The following SPIRE1 variants were observed in gnomAD, a reference collection of about 807,000 sequenced individuals.
The protein encoded by SPIRE1 is protein spire homolog 1.
A neutral mutation model predicts 94.1 loss-of-function variants in SPIRE1; 40 were observed. The observed-to-expected ratio is 0.43, with a 90% CI of 0.33 to 0.55. The LOEUF (loss-of-function observed/expected upper bound fraction) is 0.55. Ranked by LOEUF, SPIRE1 falls within the 20% of genes least tolerant of loss-of-function variation. The pLI is 0.06. For missense variants in SPIRE1, 838 were observed against 975.2 expected, an observed-to-expected ratio of 0.86 and a Z score of 1.87; for synonymous variants, 376 against 371.7, an observed-to-expected ratio of 1.01 and a Z score of -0.13.
chr18:12,650,753 C>T (rs972880773), intron 1 of SPIRE1, among the ~76,000 whole-genome samples: 3 of 151,270 alleles, frequency 2.0e-5, no homozygotes, highest in Non-Finnish European at 2.9e-5. Flanking sequence ...GTGACACATG[C>T]CTGTAGTCCC....
At chr18:12,567,304 T>C (rs1045245528) in intron 2 of SPIRE1, among the ~76,000 whole-genome samples, 11 of 151,946 alleles carry the variant, frequency 7.2e-5, no homozygotes. Context: ...TACAAAATAC[T>C]GATGAACAAA....
chr18:12,586,954 A>G (rs960589022), intron 2 of SPIRE1, among the ~76,000 whole-genome samples: 1 of 152,256 alleles, frequency 6.6e-6, no homozygotes, highest in Non-Finnish European at 1.5e-5. Context: ...ATTACTAGAA[A>G]TAAGTTGACA....
chr18:12,524,164 T>A (rs754416702), intron 4 of SPIRE1, among the ~76,000 whole-genome samples: 1 of 152,374 alleles, frequency 6.6e-6, no homozygotes, highest in East Asian at 1.9e-4. Context: ...GATTATATTG[T>A]GTAAAATATA....
chr18:12,532,349 AT>A (rs1219107675), intron 4 of SPIRE1, among the ~76,000 whole-genome samples: 1 of 152,202 alleles, frequency 6.6e-6, no homozygotes, highest in African/African-American at 2.4e-5. Context: ...TAAATTGCCA[AT>A]TTGCCATATA....
chr18:12,607,811 C>T (rs1054625412), intron 2 of SPIRE1, among the ~76,000 whole-genome samples: 2 of 152,062 alleles, frequency 1.3e-5, no homozygotes, highest in Non-Finnish European at 2.9e-5. Context: ...GTTGAGGTGA[C>T]GGCTACCCCC....
intron 2 of SPIRE1, among the ~76,000 whole-genome samples, chr18:12,618,860 C>T (rs913337820): frequency 6.6e-6 from 1 of 150,744 alleles, no homozygotes; most frequent in South Asian, 2.1e-4. Context: ...TCTATTCCAC[C>T]CGCCAGCTCT....
chr18:12,478,454 GGTGT>G (rs1013638114), intron 10 of SPIRE1, among the ~76,000 whole-genome samples: 12 of 150,882 alleles, frequency 8.0e-5, no homozygotes, highest in African/African-American at 2.0e-4. Flanking sequence ...GTGTAGCTAG[GGTGT>G]GTGTGTGCAC....
At chr18:12,653,717 G>T (rs957756781) in intron 1 of SPIRE1, among the ~76,000 whole-genome samples, 7 of 152,144 alleles carry the variant, frequency 4.6e-5, no homozygotes. Context: ...GGAGGCCAAG[G>T]CTGGTGGATC....
chr18:12,604,013 C>A (rs140150649), intron 2 of SPIRE1, among the ~76,000 whole-genome samples: 204 of 152,168 alleles, frequency 1.3e-3, no homozygotes, highest in Middle Eastern at 3.4e-3. Flanking sequence ...GTACTGGGCA[C>A]AGGAGCTCCA....
intron 2 of SPIRE1, among the ~76,000 whole-genome samples, chr18:12,592,976 C>T (rs947958002): frequency 1.3e-5 from 2 of 152,208 alleles, no homozygotes; most frequent in South Asian, 2.1e-4. Context: ...GGACTACAGG[C>T]GCAAGCCACC....
At chr18:12,591,252 A>C (rs534200975) in intron 2 of SPIRE1, among the ~76,000 whole-genome samples, 2 of 152,290 alleles carry the variant, frequency 1.3e-5, no homozygotes, top group South Asian at 4.1e-4. Flanking sequence ...AGGCAAAAGG[A>C]ACTGCCAGTG....
intron 3 of SPIRE1, among the ~76,000 whole-genome samples, chr18:12,536,627 T>A (rs1036420987): frequency 6.6e-6 from 1 of 152,170 alleles, no homozygotes; most frequent in Non-Finnish European, 1.5e-5. Context: ...AGGTGCTGCC[T>A]ACAGCCCTAA....
intron 12 of SPIRE1, 34 bp downstream of exon 12, chr18:12,463,317 C>G: frequency 6.4e-7 from 1 of 1,566,928 alleles, no homozygotes; most frequent in Non-Finnish European, 8.7e-7. Flanking sequence ...TCTAGCTGGT[C>G]CCTAAGTTAC....
chr18:12,575,378 T>G (rs2036068361), intron 2 of SPIRE1, among the ~76,000 whole-genome samples: 1 of 152,180 alleles, frequency 6.6e-6, no homozygotes, highest in African/African-American at 2.4e-5. Context: ...TTTATTTATT[T>G]ATTTAGACAC....
intron 3 of SPIRE1, among the ~76,000 whole-genome samples, chr18:12,544,986 C>A (rs2035121225): frequency 6.6e-6 from 1 of 152,138 alleles, no homozygotes; most frequent in Non-Finnish European, 1.5e-5. Flanking sequence ...CTTCCCCCAA[C>A]ACACACACCA....
intron 2 of SPIRE1, among the ~76,000 whole-genome samples, chr18:12,554,994 C>T (rs1252450985): frequency 1.3e-5 from 2 of 152,112 alleles, no homozygotes; most frequent in Admixed American, 6.6e-5. Flanking sequence ...GTTCAAATCC[C>T]CCACCCATCA....
In SPIRE1 at chr18:12,657,907, C is replaced by G. The variant is rs1191009425; in HGVS notation, c.-41G>C. 9.7e-7 allele frequency: 1 copy of G among 1,028,724 alleles called. No individual in the cohort carries two copies. Among genetic ancestry groups the G allele is most frequent in the Non-Finnish European group, 1.2e-6 (1 of 861,016 alleles). 63.7% of individuals were successfully genotyped at this position (1,028,724 alleles called of 1,614,324 possible). A position where few individuals can be genotyped will look rare whatever the true frequency, so the allele number is the denominator to read the frequency against. On this transcript the variant is annotated 5_prime_UTR_variant, in exon 1 of 17. Coordinates refer to ENST00000409402, the MANE Select transcript of SPIRE1 (RefSeq NM_001128626.2). ...TGCGCTCGGCAGTCGCGCCGTGTGCCGGCGTCTCCTCAGCTCCGGAGCATC... is the reference window on the plus strand; with the variant it reads ...TGCGCTCGGCAGTCGCGCCGTGTGCGGGCGTCTCCTCAGCTCCGGAGCATC...
At chr18:12,560,423 G>A (rs1003674936) in intron 2 of SPIRE1, among the ~76,000 whole-genome samples, 1 of 152,166 alleles carries the variant, frequency 6.6e-6, no homozygotes, top group African/African-American at 2.4e-5. Flanking sequence ...ATGAGATCCT[G>A]TCATTTGCAA....
chr18:12,602,256 G>C (rs1415080071), intron 2 of SPIRE1, among the ~76,000 whole-genome samples: 1 of 152,098 alleles, frequency 6.6e-6, no homozygotes, highest in Non-Finnish European at 1.5e-5. Flanking sequence ...GGAAATGGTA[G>C]TAAAAAACAG....
Sources: allele counts gnomAD v4.1 joint callset (sites outside exome capture counted in the v4.1 genomes callset), GRCh38; gene constraint gnomAD v4.1.1; transcripts MANE v1.5; gene names NCBI Gene and HGNC (gene_info 2026-07-23, HGNC 2026-07-21).